NTRK2: variants seen among roughly 807,000 people sequenced by gnomAD.
NTRK2 encodes the protein BDNF/NT-3 growth factors receptor.
Under a neutral mutation model 94.5 loss-of-function variants are expected in NTRK2, and 13 were observed. The ratio of observed to expected loss-of-function variants is 0.14; its 90% CI spans 0.09 to 0.22. The LOEUF (loss-of-function observed/expected upper bound fraction) is 0.22, where lower values mean the gene tolerates loss of function less well. Among genes scored for constraint, NTRK2 ranks in the 10% least tolerant of loss-of-function variants. The pLI is 1.00. For missense variants in NTRK2, 639 were observed against 1,071.2 expected (o/e 0.60, Z 5.63); for synonymous variants, 372 against 407.4 (o/e 0.91, Z 1.05).
At chr9:84,799,504 G>A (rs895784358) in intron 12 of NTRK2, among the ~76,000 whole-genome samples, 2 of 152,104 alleles carry the variant, frequency 1.3e-5, no homozygotes, top group African/African-American at 4.8e-5. Context: ...TCTGGGAAGT[G>A]GAAATTATTA....
chr9:84,793,291 A>C (rs1386390042), intron 12 of NTRK2, among the ~76,000 whole-genome samples: 1 of 83,140 alleles, frequency 1.2e-5, no homozygotes, highest in Admixed American at 1.1e-4. Context: ...AATTGAAAAC[A>C]ATCCAAAAAA....
At chr9:84,881,054 G>T (rs1350244865) in intron 14 of NTRK2, among the ~76,000 whole-genome samples, 1 of 152,202 alleles carries the variant, frequency 6.6e-6, no homozygotes, top group Non-Finnish European at 1.5e-5. Context: ...CAGCCAGAGA[G>T]TGGTTTGGAG....
At chr9:84,698,820 C>T (rs972196694) in intron 2 of NTRK2, among the ~76,000 whole-genome samples, 1 of 152,096 alleles carries the variant, frequency 6.6e-6, no homozygotes, top group Non-Finnish European at 1.5e-5. Flanking sequence ...TCTTGGCCAC[C>T]GAAGTTTTCC....
At chr9:84,767,059 C>G (rs1181464865) in intron 12 of NTRK2, among the ~76,000 whole-genome samples, 1 of 152,108 alleles carries the variant, frequency 6.6e-6, no homozygotes, top group Non-Finnish European at 1.5e-5. Flanking sequence ...GGGATAGGAC[C>G]CAGACTTTGA....
intron 14 of NTRK2, among the ~76,000 whole-genome samples, chr9:84,889,659 A>C (rs968544142): frequency 6.6e-6 from 1 of 152,026 alleles, no homozygotes; most frequent in Non-Finnish European, 1.5e-5. Context: ...ATGGTCAGCC[A>C]AACTTAGCCT....
intron 12 of NTRK2, among the ~76,000 whole-genome samples, chr9:84,857,198 C>T (rs533144979): frequency 2.4e-4 from 37 of 152,004 alleles, no homozygotes; most frequent in Middle Eastern, 6.8e-3. Flanking sequence ...TCCTTCTCTC[C>T]GGTCAGGGAA....
intron 14 of NTRK2, among the ~76,000 whole-genome samples, chr9:84,891,766 C>G (rs1237936895): frequency 1.3e-5 from 2 of 152,134 alleles, no homozygotes; most frequent in African/African-American, 4.8e-5. Context: ...ATGTTTTCAT[C>G]CTTTACCCAC....
intron 7 of NTRK2, 47 bp downstream of exon 7, chr9:84,723,756 T>C: frequency 6.2e-7 from 1 of 1,612,100 alleles, no homozygotes; most frequent in Non-Finnish European, 8.5e-7. Context: ...CAAGAGTGTT[T>C]CAGAATGCGA....
intron 14 of NTRK2, among the ~76,000 whole-genome samples, chr9:84,932,403 A>G (rs2078068854): frequency 6.6e-6 from 1 of 152,214 alleles, no homozygotes; most frequent in African/African-American, 2.4e-5. Flanking sequence ...GAATGTAGGT[A>G]CAATCAGGAA....
rs1259044537 is a variant in NTRK2 at position 84,872,769 on chromosome 9, G to A, written c.1633+5338G>A. The A allele has an allele frequency of 3.8e-6, 4 of 1,064,600 alleles. No individual in the cohort carries two copies. In the African/African-American group the frequency reaches 6.6e-5, roughly 17 times the overall value. 65.9% of individuals were successfully genotyped at this position (1,064,600 alleles called of 1,614,324 possible). The stretch of plus-strand genomic sequence containing the variant: ...TTTCCTAGTGGTTACATGCTTACTA[G>A]GCAATTATGTAAATAAGCACAGATT... On this transcript the variant is annotated intron_variant, in intron 14 of 18. Transcript: ENST00000277120.
intron 17 of NTRK2, among the ~76,000 whole-genome samples, chr9:84,997,414 CTCTGAG>C (rs1343226072): frequency 6.6e-6 from 1 of 152,168 alleles, no homozygotes; most frequent in Non-Finnish European, 1.5e-5. Flanking sequence ...GGCACCCAGG[CTCTGAG>C]CTTATGTTTA....
At chr9:84,818,710 T>C (rs2072586325) in intron 12 of NTRK2, among the ~76,000 whole-genome samples, 2 of 152,208 alleles carry the variant, frequency 1.3e-5, no homozygotes, top group African/African-American at 2.4e-5. Context: ...TCTTGAACTT[T>C]AGTACTTCCC....
rs1185816314 is a variant in NTRK2 at position 84,671,946 on chromosome 9, T to G, written c.212+986T>G. ...TTTTTTTCCTGAAGGATGCTGTCAT[T>G]CCATACATCTCATTAACATGAGATT... On this transcript the variant is annotated intron_variant, in intron 2 of 18. Transcript: ENST00000277120. Among the ~76,000 whole-genome samples, 27 of 152,224 alleles carry G rather than the reference T, an allele frequency of 1.8e-4. 1 individual carries two copies. Among genetic ancestry groups the G allele is most frequent in the Admixed American group, 1.8e-3 (27 of 15,290 alleles).
At chr9:84,869,977 T>C (rs767921777) in intron 14 of NTRK2, among the ~76,000 whole-genome samples, 8 of 151,570 alleles carry the variant, frequency 5.3e-5, no homozygotes, top group African/African-American at 9.7e-5. Flanking sequence ...AACATTCTAA[T>C]TGTAGTCGTG....
chr9:84,805,537 C>T (rs1333969002), intron 12 of NTRK2, among the ~76,000 whole-genome samples: 2 of 152,218 alleles, frequency 1.3e-5, no homozygotes, highest in African/African-American at 4.8e-5. Flanking sequence ...TGCCTGGACT[C>T]ACCCAGTTGC....
At chr9:84,758,411 G>A (rs2065261353) in intron 12 of NTRK2, among the ~76,000 whole-genome samples, 1 of 151,642 alleles carries the variant, frequency 6.6e-6, no homozygotes, top group African/African-American at 2.4e-5. Context: ...TTATTATTGA[G>A]ACAGAGTTTC....
At chr9:84,931,159 C>CA (rs965730550) in intron 14 of NTRK2, among the ~76,000 whole-genome samples, 8 of 152,194 alleles carry the variant, frequency 5.3e-5, no homozygotes, top group Non-Finnish European at 8.8e-5. Flanking sequence ...GTAATCCCAG[C>CA]ACTTTGGGAG....
At chr9:84,789,011 C>T (rs2068439507) in intron 12 of NTRK2, among the ~76,000 whole-genome samples, 1 of 152,174 alleles carries the variant, frequency 6.6e-6, no homozygotes, top group African/African-American at 2.4e-5. Flanking sequence ...AGAGAAAAAG[C>T]CATTGAGAAA....
chr9:84,888,667 C>G (rs2076496058), intron 14 of NTRK2, among the ~76,000 whole-genome samples: 1 of 126,904 alleles, frequency 7.9e-6, no homozygotes, highest in African/African-American at 3.0e-5. Flanking sequence ...AGAAGAGACT[C>G]AAACCCAGGT....
Sources: gnomAD v4.1 joint callset for allele counts (sites outside exome capture counted in the v4.1 genomes callset) on GRCh38, gnomAD v4.1.1 for gene constraint, MANE v1.5 for transcripts, NCBI Gene and HGNC (gene_info 2026-07-23, HGNC 2026-07-21) for gene names.